SLC24A2: variants seen among roughly 807,000 people sequenced by gnomAD.
SLC24A2 encodes the protein sodium/potassium/calcium exchanger 2.
Under a neutral mutation model 62.0 loss-of-function variants are expected in SLC24A2, and 36 were observed. The observed-to-expected ratio is 0.58, with a 90% CI of 0.44 to 0.77. The LOEUF is 0.77. Among genes scored for constraint, SLC24A2 ranks in the 30% least tolerant of loss-of-function variants. The pLI, the probability that SLC24A2 is intolerant of heterozygous loss-of-function variation, is 0.00. For missense variants in SLC24A2, 846 were observed against 817.9 expected, an observed-to-expected ratio of 1.03 and a Z score of -0.42; for synonymous variants, 358 against 294.0, an observed-to-expected ratio of 1.22 and a Z score of -2.23.
At chr9:19,998,389 G>C in the SLC24A2 span, among the ~76,000 whole-genome samples, 1 of 152,106 alleles carries the variant, frequency 6.6e-6, no homozygotes, top group Non-Finnish European at 1.5e-5. Flanking sequence ...ATTCACTTCC[G>C]GGTCACCTCT....
At chr9:19,559,240 T>A (rs1835273155) in intron 7 of SLC24A2, among the ~76,000 whole-genome samples, 1 of 152,206 alleles carries the variant, frequency 6.6e-6, no homozygotes, top group Admixed American at 6.5e-5. Context: ...GCAATATGAT[T>A]CTATAATTAT....
At chr9:20,174,837 A>G in the SLC24A2 span, among the ~76,000 whole-genome samples, 1 of 151,994 alleles carries the variant, frequency 6.6e-6, no homozygotes, top group Non-Finnish European at 1.5e-5. Flanking sequence ...TGGTCCAGCA[A>G]TCCCACTACT....
the SLC24A2 span, among the ~76,000 whole-genome samples, chr9:20,038,519 A>G: frequency 6.6e-6 from 1 of 151,884 alleles, no homozygotes; most frequent in Non-Finnish European, 1.5e-5. Flanking sequence ...TAAAAACTCA[A>G]CACACTGCAG....
chr9:19,614,792 T>G (rs923456258), intron 4 of SLC24A2, among the ~76,000 whole-genome samples: 3 of 152,054 alleles, frequency 2.0e-5, no homozygotes, highest in African/African-American at 4.8e-5. Context: ...GGGGACCCAG[T>G]TGAGCCCAGC....
chr9:19,534,739 T>G (rs1435448122), intron 8 of SLC24A2, among the ~76,000 whole-genome samples: 4 of 152,226 alleles, frequency 2.6e-5, no homozygotes, highest in African/African-American at 9.7e-5. Context: ...GTGGCACATT[T>G]TCTTTATCCA....
chr9:19,742,545 C>T (rs1821711148), intron 2 of SLC24A2, among the ~76,000 whole-genome samples: 1 of 152,094 alleles, frequency 6.6e-6, no homozygotes, highest in Admixed American at 6.6e-5. Context: ...TTCAATGAAT[C>T]CCCCATACCT....
Position 19,528,120 on chromosome 9 carries a change from G to C in SLC24A2, c.1498C>G (p.Pro500Ala). The change falls in exon 9 of 11, where the codon CCC becomes GCC. Residue 500 changes from proline to alanine, a missense_variant. Coordinates refer to ENST00000341998, the MANE Select transcript of SLC24A2 (RefSeq NM_020344.4). ...GTAATGGAGCCAAAGAACGTGATGG[G>C]AAAAAACTTCCTCGATGACTGAAAG... ...VRKPSSRKFFPITFFGSITWI... is the reference protein window; with the variant it reads ...VRKPSSRKFFAITFFGSITWI... 1 of 1,592,042 alleles carries C rather than the reference G, an allele frequency of 6.3e-7. No individual in the cohort carries two copies. The highest frequency in any genetic ancestry group is 8.6e-7 in the Non-Finnish European group (1 of 1,168,000).
At chr9:20,171,134 G>T in the SLC24A2 span, among the ~76,000 whole-genome samples, 10 of 151,894 alleles carry the variant, frequency 6.6e-5, no homozygotes, top group Non-Finnish European at 1.2e-4. Flanking sequence ...TATAAATGAA[G>T]GAAAGATATA....
the SLC24A2 span, among the ~76,000 whole-genome samples, chr9:19,937,854 T>C: frequency 6.6e-6 from 1 of 152,226 alleles, no homozygotes; most frequent in Non-Finnish European, 1.5e-5. Flanking sequence ...AAATGTTGTA[T>C]TTCTGGTACT....
the SLC24A2 span, among the ~76,000 whole-genome samples, chr9:20,004,480 C>T: frequency 6.6e-6 from 1 of 152,170 alleles, no homozygotes. Flanking sequence ...TGAATCCATC[C>T]AGTTAATAAC....
At chr9:19,966,993 T>G in the SLC24A2 span, among the ~76,000 whole-genome samples, 1 of 152,172 alleles carries the variant, frequency 6.6e-6, no homozygotes, top group Non-Finnish European at 1.5e-5. Flanking sequence ...GTTTGATCTT[T>G]TCTGCTTGAC....
the SLC24A2 span, among the ~76,000 whole-genome samples, chr9:19,963,775 T>C: frequency 1.6e-3 from 243 of 152,276 alleles, 1 homozygote; most frequent in African/African-American, 5.8e-3. Flanking sequence ...TTGGTGGGAC[T>C]GTAAACTAGT....
chr9:20,148,762 C>T, the SLC24A2 span, among the ~76,000 whole-genome samples: 1 of 152,034 alleles, frequency 6.6e-6, no homozygotes, highest in African/African-American at 2.4e-5. Flanking sequence ...CAACATGTTA[C>T]TTTAGAAGTC....
At chr9:19,949,626 G>A in the SLC24A2 span, among the ~76,000 whole-genome samples, 2 of 152,164 alleles carry the variant, frequency 1.3e-5, no homozygotes, top group African/African-American at 2.4e-5. Context: ...GCAGCTAGGT[G>A]TGATCTCATG....
At chr9:20,191,693 G>A in the SLC24A2 span, among the ~76,000 whole-genome samples, 30 of 151,246 alleles carry the variant, frequency 2.0e-4, no homozygotes, top group Admixed American at 1.3e-3. Context: ...CCATTAAGAC[G>A]GGAAAAGAAG....
intron 5 of SLC24A2, among the ~76,000 whole-genome samples, chr9:19,578,304 G>A (rs150395971): frequency 5.4e-4 from 81 of 149,034 alleles, no homozygotes; most frequent in African/African-American, 2.0e-3. Context: ...ACACAAGTGC[G>A]ATGTTTCATT....
chr9:20,012,881 C>G, the SLC24A2 span, among the ~76,000 whole-genome samples: 1 of 151,506 alleles, frequency 6.6e-6, no homozygotes, highest in African/African-American at 2.4e-5. Flanking sequence ...ACTATAATCA[C>G]TGATGACAGA....
intron 8 of SLC24A2, among the ~76,000 whole-genome samples, chr9:19,544,574 T>C (rs1269617608): frequency 2.0e-5 from 3 of 152,206 alleles, no homozygotes; most frequent in Non-Finnish European, 4.4e-5. Flanking sequence ...GTTCCAGTTG[T>C]TCCTCTCCAT....
chr9:19,895,473 G>C, the SLC24A2 span, among the ~76,000 whole-genome samples: 1 of 151,070 alleles, frequency 6.6e-6, no homozygotes, highest in African/African-American at 2.4e-5. Flanking sequence ...AGTTCAGAAG[G>C]ATGTAAATAT....
Sources: gnomAD v4.1 joint callset for allele counts (sites outside exome capture counted in the v4.1 genomes callset) on GRCh38, gnomAD v4.1.1 for gene constraint, MANE v1.5 for transcripts, NCBI Gene and HGNC (gene_info 2026-07-23, HGNC 2026-07-21) for gene names.